The following RHEB variants were observed in gnomAD, a reference collection of about 807,000 sequenced individuals.
RHEB encodes Ras homolog, mTORC1 binding.
A neutral mutation model predicts 28.8 loss-of-function variants in RHEB; 2 were observed. That is an observed-to-expected ratio of 0.07 (90% confidence interval 0.03 to 0.22). The LOEUF (loss-of-function observed/expected upper bound fraction) is 0.22, where lower values mean the gene tolerates loss of function less well. Ranked by LOEUF, RHEB falls within the 10% of genes least tolerant of loss-of-function variation. The pLI, the probability that RHEB is intolerant of heterozygous loss-of-function variation, is 1.00. For synonymous variants in RHEB, 69 were observed against 77.3 expected (o/e 0.89, Z 0.56); for missense variants, 76 against 219.9 (o/e 0.35, Z 4.14).
intron 3 of RHEB, 34 bp downstream of exon 3, chr7:151,484,703 T>C (rs1802436823): frequency 2.1e-6 from 3 of 1,440,384 alleles, no homozygotes; most frequent in Non-Finnish European, 2.9e-6. Flanking sequence ...TCAGATATGC[T>C]GTATAAGATT....
intron 1 of RHEB, among the ~76,000 whole-genome samples, chr7:151,492,233 C>T (rs971402585): frequency 5.9e-5 from 9 of 152,182 alleles, no homozygotes; most frequent in African/African-American, 2.2e-4. Flanking sequence ...CTTGTTTCTC[C>T]TCCAAACTAT....
In RHEB at chr7:151,516,949, A is replaced by G. The variant is rs546668034; in HGVS notation, c.52+2511T>C. Among the ~76,000 whole-genome samples, 5 of 152,316 alleles carry G rather than the reference A, an allele frequency of 3.3e-5. 1 individual carries two copies. In the South Asian group the frequency reaches 8.3e-4, roughly 25 times the overall value. Reference sequence around the variant, plus strand: ...ACATGCCAGTAAGCTCCCAGAAGTGAGCATGCTGAGTAATTCTCAAAAGGG... The same window carrying G: ...ACATGCCAGTAAGCTCCCAGAAGTGGGCATGCTGAGTAATTCTCAAAAGGG... On this transcript the variant is annotated intron_variant, in intron 1 of 7. Transcript: ENST00000262187.
At chr7:151,499,451 G>GACTTTAAAATTCAC (rs1216556812) in intron 1 of RHEB, among the ~76,000 whole-genome samples, 1 of 152,228 alleles carries the variant, frequency 6.6e-6, no homozygotes, top group African/African-American at 2.4e-5. Context: ...TTAAACTCAT[G>GACTTTAAAATTCAC]ACTGTGGTGT....
In RHEB at chr7:151,471,299, C is replaced by G. The variant is rs1043897448; in HGVS notation, c.380+95G>C. Reference sequence around the variant, plus strand: ...TAACACCTCTGAACGGATAAAAATGCTACAGCTAAAAATATTCTTGACATC... The same window carrying G: ...TAACACCTCTGAACGGATAAAAATGGTACAGCTAAAAATATTCTTGACATC... On this transcript the variant is annotated intron_variant, in intron 6 of 7. Transcript: ENST00000262187. The G allele has an allele frequency of 1.6e-5, 14 of 876,804 alleles. 1 individual carries two copies. In the Admixed American group the frequency reaches 3.1e-4, roughly 19 times the overall value. 54.3% of individuals were successfully genotyped at this position (876,804 alleles called of 1,614,324 possible).
At chr7:151,512,040 T>C (rs927977868) in intron 1 of RHEB, among the ~76,000 whole-genome samples, 11 of 152,240 alleles carry the variant, frequency 7.2e-5, no homozygotes, top group Admixed American at 5.2e-4. Context: ...GTGACGAAGA[T>C]AGACCGTGAG....
At chr7:151,470,431 C>A (rs1281970447) in intron 7 of RHEB, 140 bp downstream of exon 7, 1 of 566,280 alleles carries the variant, frequency 1.8e-6, no homozygotes, top group Non-Finnish European at 3.2e-6. Context: ...TAAAGCAACA[C>A]AAAACTTGGT....
At chr7:151,512,113 T>C (rs1420303882) in intron 1 of RHEB, among the ~76,000 whole-genome samples, 1 of 152,210 alleles carries the variant, frequency 6.6e-6, no homozygotes, top group African/African-American at 2.4e-5. Context: ...AGAATGAAGG[T>C]TCCTTCAAGT....
At chr7:151,491,211 T>G (rs76696133) in intron 1 of RHEB, among the ~76,000 whole-genome samples, 197 bp from the exon 2 acceptor site, 1 of 152,248 alleles carries the variant, frequency 6.6e-6, no homozygotes. Flanking sequence ...GAGGATATTA[T>G]GCAATTAAGC....
chr7:151,493,434 C>T (rs1179228689), intron 1 of RHEB, among the ~76,000 whole-genome samples: 1 of 152,214 alleles, frequency 6.6e-6, no homozygotes, highest in Non-Finnish European at 1.5e-5. Context: ...AAGTCATTCT[C>T]ATAGCTACTG....
intron 2 of RHEB, among the ~76,000 whole-genome samples, chr7:151,489,911 A>G (rs567220799): frequency 6.6e-6 from 1 of 152,370 alleles, no homozygotes; most frequent in East Asian, 1.9e-4. Flanking sequence ...CAGCCAAAGC[A>G]TTCAAGTGAT....
intron 4 of RHEB, among the ~76,000 whole-genome samples, chr7:151,474,014 A>C (rs1802218753): frequency 6.6e-6 from 1 of 152,240 alleles, no homozygotes; most frequent in Admixed American, 6.5e-5. Context: ...ATAATGGACA[A>C]ATCGTGGATG....
Position 151,471,605 on chromosome 7 carries a change from A to G in RHEB, c.276T>C (p.Ser92=). Residue 92 remains serine, a splice_region_variant and synonymous_variant, in exon 5 of 8, where the codon AGT becomes AGC. Coordinates refer to ENST00000262187, the MANE Select transcript of RHEB (RefSeq NM_005614.4). The stretch of plus-strand genomic sequence containing the variant: ...CATGGATAACTTTAATCACTTCAAA[A>G]CTATAAAACAAAAAGTATAAATTAG... ...ILVYSVTSIK[S]FEVIKVIHGK... The G allele has an allele frequency of 6.3e-7, 1 of 1,582,982 alleles. No individual in the cohort carries two copies. Among genetic ancestry groups the G allele is most frequent in the Non-Finnish European group, 8.6e-7 (1 of 1,158,440 alleles).
chr7:151,490,327 G>C (rs992069928), intron 2 of RHEB, among the ~76,000 whole-genome samples: 1 of 152,166 alleles, frequency 6.6e-6, no homozygotes, highest in Non-Finnish European at 1.5e-5. Context: ...AATCCATCAG[G>C]AATATTCTGA....
At chr7:151,504,907 T>C (rs1802839253) in intron 1 of RHEB, among the ~76,000 whole-genome samples, 1 of 152,060 alleles carries the variant, frequency 6.6e-6, no homozygotes, top group African/African-American at 2.4e-5. Flanking sequence ...TTAAATGTTA[T>C]TTTTCCTTTC....
intron 4 of RHEB, among the ~76,000 whole-genome samples, chr7:151,476,101 A>C (rs1802266964): frequency 6.6e-6 from 1 of 152,236 alleles, no homozygotes; most frequent in African/African-American, 2.4e-5. Flanking sequence ...GGGGATTGAC[A>C]GTATGGGGTC....
At chr7:151,515,761 T>C (rs903788066) in intron 1 of RHEB, among the ~76,000 whole-genome samples, 20 of 152,250 alleles carry the variant, frequency 1.3e-4, no homozygotes, top group Non-Finnish European at 2.4e-4. Flanking sequence ...TCTTTCCTCA[T>C]GAAGACTCTA....
rs1226691841 is a variant in RHEB at position 151,468,880 on chromosome 7, A to C, written c.463-1669T>G. ...AGGACTAGATGTGGATGAGATCTAC[A>C]ATTCAGTCCTAGTTCTTATACCACG... On this transcript the variant is annotated intron_variant, in intron 7 of 7. Coordinates refer to ENST00000262187, the MANE Select transcript of RHEB (RefSeq NM_005614.4). This position sits in a 1 kb window ranked among gnomAD's most constrained non-coding sequence, Gnocchi z 4.3. Among the ~76,000 whole-genome samples, 1 of 152,234 alleles carries C rather than the reference A, an allele frequency of 6.6e-6. No individual in the cohort carries two copies. The highest frequency in any genetic ancestry group is 1.5e-5 in the Non-Finnish European group (1 of 68,042).
Position 151,519,836 on chromosome 7 carries a change from G to A in RHEB, c.-325C>T, listed in dbSNP as rs1803153899. On this transcript the variant is annotated 5_prime_UTR_variant, in exon 1 of 8. Coordinates refer to ENST00000262187, the MANE Select transcript of RHEB (RefSeq NM_005614.4). ...CGTTTTACTTTAAAGGCAAAAAAAGGGGACGCCGCGATGCCCCCAGAAAAG... is the reference window on the plus strand; with the variant it reads ...CGTTTTACTTTAAAGGCAAAAAAAGAGGACGCCGCGATGCCCCCAGAAAAG... The A allele has an allele frequency of 4.2e-6, 1 of 236,736 alleles. No homozygotes were observed. The allele number at this position is 236,736 out of a possible 1,614,324, so 14.7% of individuals were successfully genotyped here.
chr7:151,480,978 T>C (rs970753640), intron 3 of RHEB, among the ~76,000 whole-genome samples: 2 of 152,170 alleles, frequency 1.3e-5, no homozygotes, highest in African/African-American at 4.8e-5. Context: ...ATCTAAGTTA[T>C]TAACCCATTT....
Sources: gnomAD v4.1 joint callset for allele counts (sites outside exome capture counted in the v4.1 genomes callset) on GRCh38, gnomAD v4.1.1 for gene constraint, Gnocchi (gnomAD v3.1) non-coding constraint, MANE v1.5 for transcripts, NCBI Gene and HGNC (gene_info 2026-07-23, HGNC 2026-07-21) for gene names.